Variants in UIMC1 observed in about 807,000 individuals in gnomAD.
UIMC1 encodes BRCA1-A complex subunit RAP80.
Under a neutral mutation model 84.9 loss-of-function variants are expected in UIMC1, and 42 were observed. The ratio of observed to expected loss-of-function variants is 0.49; its 90% CI spans 0.39 to 0.64. The LOEUF (loss-of-function observed/expected upper bound fraction) is 0.64. Ranked by LOEUF, UIMC1 falls within the 30% of genes least tolerant of loss-of-function variation. The pLI is 0.00. For missense variants in UIMC1, 825 were observed against 847.6 expected, an observed-to-expected ratio of 0.97 and a Z score of 0.33; for synonymous variants, 281 against 293.0, an observed-to-expected ratio of 0.96 and a Z score of 0.42.
rs190970362 is a variant in UIMC1 at position 176,964,070 on chromosome 5, C to T, written c.1200+4485G>A. 9.1e-3 allele frequency among the ~76,000 whole-genome samples: 1,388 copies of T among 152,204 alleles called. 8 individuals carry two copies. Among genetic ancestry groups the T allele is most frequent in the South Asian group, 0.025 (121 of 4,820 alleles). On this transcript the variant is annotated intron_variant, in intron 6 of 14. Transcript: ENST00000511320. ...ACCTTAATATAGACTAAGTTATGTG[C>T]CCCAAAGTGAATGTTTCTCTGAGTC... is the stretch of plus-strand genomic sequence containing the variant.
chr5:176,932,550 C>A (rs1763241460), intron 10 of UIMC1, among the ~76,000 whole-genome samples: 1 of 152,120 alleles, frequency 6.6e-6, no homozygotes, highest in East Asian at 1.9e-4. Context: ...GACAGACAAA[C>A]ATCAGCAGAA....
rs1429043139 is a variant in UIMC1, at chr5:176,955,997, A to G, written c.1301T>C (p.Met434Thr). 3.7e-6 allele frequency: 6 copies of G among 1,613,768 alleles called. No homozygotes were observed. Among genetic ancestry groups the G allele is most frequent in the Middle Eastern group, 1.7e-4 (1 of 6,060 alleles). ...GATTTCTTCTGCAGAACTCTCTGGC[A>G]TAAGGACTAAGCTTCTCTTACTGGT... ...ALTSKRSLVL[M>T]PESSAEEITV... is the part of the protein sequence containing the mutation. The change falls in exon 8 of 15, where the codon ATG becomes ACG. Residue 434 changes from methionine to threonine, a missense_variant. Physicochemically the swap from Met to Thr is moderately conservative, Grantham distance 81. Coordinates refer to ENST00000511320, the MANE Select transcript of UIMC1 (RefSeq NM_001199298.2).
Position 176,906,047 on chromosome 5 carries a change from T to G in UIMC1, c.1913A>C (p.Asp638Ala). 1 of 1,613,898 alleles carries G rather than the reference T, an allele frequency of 6.2e-7. No homozygotes were observed. Among genetic ancestry groups the G allele is most frequent in the Non-Finnish European group, 8.5e-7 (1 of 1,179,884 alleles). The change falls in exon 14 of 15, where the codon GAT (aspartate) becomes GCT (alanine). Residue 638 changes from aspartate to alanine, a missense_variant and splice_region_variant. Transcript: ENST00000511320. ...TGTTTCTGAAGACTTGATGTCTGCA[T>G]CTGTGATATAAAAGAAAAAATAATA... is the stretch of plus-strand genomic sequence containing the variant. ...FLEQSEHKTS[D>A]ADIKSSETGA...
At chr5:176,915,654 C>A (rs1352345160) in intron 10 of UIMC1, among the ~76,000 whole-genome samples, 1 of 151,688 alleles carries the variant, frequency 6.6e-6, no homozygotes, top group South Asian at 2.1e-4. Flanking sequence ...TGGGGTTTCA[C>A]CATCTTGGGC....
At chr5:176,942,064 C>T (rs543544417) in intron 10 of UIMC1, among the ~76,000 whole-genome samples, 6 of 152,238 alleles carry the variant, frequency 3.9e-5, no homozygotes, top group Non-Finnish European at 8.8e-5. Flanking sequence ...AGGCTGGTCT[C>T]GAACTCCTGA....
At chr5:176,948,706 T>C (rs1051509796) in intron 9 of UIMC1, among the ~76,000 whole-genome samples, 3 of 152,238 alleles carry the variant, frequency 2.0e-5, no homozygotes, top group Non-Finnish European at 4.4e-5. Flanking sequence ...AATAGCTGCC[T>C]AGTGAATGAG....
chr5:177,000,929 A>G (rs982166032), intron 1 of UIMC1, among the ~76,000 whole-genome samples: 9 of 152,192 alleles, frequency 5.9e-5, no homozygotes, highest in African/African-American at 1.9e-4. Context: ...TCAGATGGGT[A>G]GTTTGCAAAT....
intron 9 of UIMC1, among the ~76,000 whole-genome samples, chr5:176,946,995 G>A (rs544953819): frequency 5.4e-4 from 82 of 152,282 alleles, no homozygotes; most frequent in African/African-American, 1.8e-3. Context: ...GCACAGAAAT[G>A]TTACATGACG....
chr5:176,997,684 CAAAAAAA>C (rs11327766), intron 1 of UIMC1, among the ~76,000 whole-genome samples: 4 of 102,930 alleles, frequency 3.9e-5, no homozygotes, highest in Non-Finnish European at 8.3e-5. Flanking sequence ...GACTCTGTCT[CAAAAAAA>C]AAAAAAAAAA....
In UIMC1 at chr5:176,905,309, A is replaced by G; in HGVS notation, c.2133T>C (p.Ala711=). 1 of 1,614,034 alleles carries G rather than the reference A, an allele frequency of 6.2e-7. No homozygotes were observed. Among genetic ancestry groups the G allele is most frequent in the South Asian group, 1.1e-5 (1 of 91,074 alleles). The change falls in exon 15 of 15, where the codon GCT becomes GCC. Residue 711 remains alanine, a synonymous_variant. Coordinates refer to ENST00000511320, the MANE Select transcript of UIMC1 (RefSeq NM_001199298.2). The stretch of plus-strand genomic sequence containing the variant: ...AGAATTTTCTCCTTCTTCCTCTGCC[A>G]GCTTTGGTCCGTGTCCGACTACCTG... ...VQPGSRTRTK[A]GRGRRRKF is the part of the protein sequence containing the mutation.
At chr5:176,953,275 T>G (rs1436839805) in intron 8 of UIMC1, among the ~76,000 whole-genome samples, 1 of 152,178 alleles carries the variant, frequency 6.6e-6, no homozygotes, top group Non-Finnish European at 1.5e-5. Context: ...AGACATTTAT[T>G]TCAGAATGCA....
rs962714604 is a variant in UIMC1 at position 176,991,209 on chromosome 5, T to C, written c.-8-8586A>G. Among the ~76,000 whole-genome samples the C allele has an allele frequency of 1.6e-3, 248 of 151,640 alleles. 1 individual carries two copies. Among genetic ancestry groups the C allele is most frequent in the African/African-American group, 5.8e-3 (238 of 41,338 alleles). ...CATTTTTAGTAGAGATGGGGTTTCA[T>C]CGTGTTAGCCAAGATGGTCTCGATC... On this transcript the variant is annotated intron_variant, in intron 1 of 14. Coordinates refer to ENST00000511320, the MANE Select transcript of UIMC1 (RefSeq NM_001199298.2).
At chr5:177,004,683 G>A (rs1775015146) in intron 1 of UIMC1, among the ~76,000 whole-genome samples, 1 of 152,108 alleles carries the variant, frequency 6.6e-6, no homozygotes, top group South Asian at 2.1e-4. Flanking sequence ...AACATTTTGG[G>A]CAGTGTCCTT....
chr5:176,999,454 TTGACTA>T (rs1212503862), intron 1 of UIMC1, among the ~76,000 whole-genome samples: 1 of 152,164 alleles, frequency 6.6e-6, no homozygotes, highest in African/African-American at 2.4e-5. Context: ...TACATTATTA[TTGACTA>T]TAAGTCATCC....
At chr5:177,005,453 C>T (rs779651613) in intron 1 of UIMC1, among the ~76,000 whole-genome samples, 27 of 151,956 alleles carry the variant, frequency 1.8e-4, no homozygotes, top group Non-Finnish European at 3.5e-4. Context: ...CCTACACACG[C>T]ATACATCCCT....
chr5:176,998,208 G>A (rs1184250466), intron 1 of UIMC1, among the ~76,000 whole-genome samples: 1 of 151,940 alleles, frequency 6.6e-6, no homozygotes, highest in African/African-American at 2.4e-5. Context: ...TATTTGCAGT[G>A]GTTCACCCCT....
chr5:176,942,768 G>T (rs1462807070), intron 10 of UIMC1, among the ~76,000 whole-genome samples: 1 of 132,640 alleles, frequency 7.5e-6, no homozygotes. Flanking sequence ...AAAAAAAAAA[G>T]GTTGGGCCAG....
At chr5:176,943,295 A>G in intron 10 of UIMC1, 40 bp downstream of exon 10, 1 of 1,600,868 alleles carries the variant, frequency 6.2e-7, no homozygotes, top group Non-Finnish European at 8.5e-7. Flanking sequence ...AAACCACCAC[A>G]CAAAAAAGTA....
chr5:176,967,440 G>A (rs964266709), intron 6 of UIMC1, among the ~76,000 whole-genome samples: 4 of 152,118 alleles, frequency 2.6e-5, no homozygotes, highest in African/African-American at 7.2e-5. Context: ...ACCAGATAAA[G>A]TATCTTGGAA....
Sources: allele counts gnomAD v4.1 joint callset (sites outside exome capture counted in the v4.1 genomes callset), GRCh38; gene constraint gnomAD v4.1.1; transcripts MANE v1.5; gene names NCBI Gene and HGNC (gene_info 2026-07-23, HGNC 2026-07-21).